The following EYS variants were observed in gnomAD, a reference collection of about 807,000 sequenced individuals.
EYS encodes the protein EGF-like photoreceptor maintenance factor, also known as protein eyes shut homolog.
Under a neutral mutation model 282.1 loss-of-function variants are expected in EYS, and 250 were observed. The observed-to-expected ratio is 0.89, with a 90% CI of 0.80 to 0.98. The LOEUF is 0.98. EYS is among the 50% of genes least tolerant of loss of function. EYS has a pLI of 0.00. For synonymous variants in EYS, 1,355 were observed against 1,282.9 expected (o/e 1.06, Z -1.20); for missense variants, 4,016 against 3,709.0 (o/e 1.08, Z -2.15).
At chr6:64,990,342 G>A (rs990486202) in intron 14 of EYS, among the ~76,000 whole-genome samples, 2 of 151,246 alleles carry the variant, frequency 1.3e-5, no homozygotes, top group African/African-American at 2.4e-5. Flanking sequence ...ATGTTTTCTA[G>A]GAAAAAAAGT....
intron 31 of EYS, among the ~76,000 whole-genome samples, chr6:64,132,505 T>G (rs1774014183): frequency 6.6e-6 from 1 of 151,962 alleles, no homozygotes; most frequent in African/African-American, 2.4e-5. Flanking sequence ...GTGCCTTTTC[T>G]TCTTTGAAAA....
At chr6:65,592,597 C>T (rs977274314) in intron 2 of EYS, among the ~76,000 whole-genome samples, 2 of 151,884 alleles carry the variant, frequency 1.3e-5, no homozygotes, top group African/African-American at 2.4e-5. Context: ...GGGGTAAACG[C>T]CACTATTCTC....
intron 1 of EYS, among the ~76,000 whole-genome samples, chr6:65,695,241 G>A (rs1769403328): frequency 6.6e-6 from 1 of 151,776 alleles, no homozygotes; most frequent in Non-Finnish European, 1.5e-5. Flanking sequence ...CAACCTCTGG[G>A]AAAAGTTAAA....
chr6:65,335,648 T>C (rs188055511), intron 10 of EYS, among the ~76,000 whole-genome samples: 12 of 151,792 alleles, frequency 7.9e-5, no homozygotes, highest in Admixed American at 6.6e-4. Flanking sequence ...TACATACATG[T>C]TTACTCATTG....
intron 2 of EYS, among the ~76,000 whole-genome samples, chr6:65,514,764 C>G (rs190886113): frequency 1.4e-4 from 22 of 152,256 alleles, no homozygotes; most frequent in African/African-American, 3.1e-4. Flanking sequence ...TGGATCCCTT[C>G]CTTACACCTT....
chr6:64,513,866 T>C (rs895870444), intron 26 of EYS, among the ~76,000 whole-genome samples: 3 of 151,844 alleles, frequency 2.0e-5, no homozygotes. Context: ...AGAAAGACTA[T>C]AGATTTCATT....
At chr6:64,741,421 C>T (rs759840508) in intron 22 of EYS, among the ~76,000 whole-genome samples, 3 of 152,006 alleles carry the variant, frequency 2.0e-5, no homozygotes, top group Non-Finnish European at 4.4e-5. Context: ...TTCTTAAGGG[C>T]CTTACGATTT....
At chr6:64,352,447 G>C (rs1771675128) in intron 29 of EYS, among the ~76,000 whole-genome samples, 1 of 151,464 alleles carries the variant, frequency 6.6e-6, no homozygotes, top group African/African-American at 2.4e-5. Context: ...AGCAAATCTT[G>C]AGAAATCCTG....
intron 2 of EYS, among the ~76,000 whole-genome samples, chr6:65,554,772 C>A (rs1768734209): frequency 6.6e-6 from 1 of 152,098 alleles, no homozygotes; most frequent in Non-Finnish European, 1.5e-5. Context: ...TAAAATGGCA[C>A]AAAGGCTAAT....
At chr6:65,131,291 C>T (rs1775868239) in intron 12 of EYS, among the ~76,000 whole-genome samples, 1 of 151,842 alleles carries the variant, frequency 6.6e-6, no homozygotes, top group Non-Finnish European at 1.5e-5. Context: ...CTTATTGCCA[C>T]ATGGCACATA....
intron 5 of EYS, among the ~76,000 whole-genome samples, chr6:65,444,032 A>C (rs1768555586): frequency 6.6e-6 from 1 of 151,844 alleles, no homozygotes; most frequent in Non-Finnish European, 1.5e-5. Flanking sequence ...TCAATGGTTA[A>C]AAGTAAGGTC....
intron 15 of EYS, among the ~76,000 whole-genome samples, chr6:64,917,030 C>T (rs139660949): frequency 0.031 from 4,724 of 152,278 alleles, 130 homozygotes; most frequent in East Asian, 0.13. Context: ...GCGGGTGGAT[C>T]ACGAGGTCAG....
At chr6:64,261,773 T>C (rs904037166) in intron 30 of EYS, among the ~76,000 whole-genome samples, 4 of 140,144 alleles carry the variant, frequency 2.9e-5, no homozygotes, top group African/African-American at 1.1e-4. Context: ...ATATACCTAA[T>C]ATTAGGTTAT....
intron 16 of EYS, among the ~76,000 whole-genome samples, chr6:64,912,256 A>T (rs1038795698): frequency 1.3e-5 from 2 of 152,022 alleles, no homozygotes; most frequent in African/African-American, 4.8e-5. Context: ...AAAGCTATAA[A>T]GCTTCACTCT....
chr6:65,442,959 T>A lies in EYS; in HGVS notation c.863-37592A>T, dbSNP rs114943799. 5.7e-3 allele frequency among the ~76,000 whole-genome samples: 586 copies of A among 103,154 alleles called. 17 individuals carry two copies. The highest frequency in any genetic ancestry group is 9.6e-3 in the Admixed American group (80 of 8,332). 67.7% of individuals were successfully genotyped at this position (103,154 alleles called of 152,430 possible). Reference sequence around the variant, plus strand: ...ATATACGTATATACATGCACATACATATGTACATATATGTATATATACATA... The same window carrying A: ...ATATACGTATATACATGCACATACAAATGTACATATATGTATATATACATA... On this transcript the variant is annotated intron_variant, in intron 5 of 42. Coordinates refer to ENST00000503581, the MANE Select transcript of EYS (RefSeq NM_001142800.2).
At chr6:64,131,621 A>C (rs1056859650) in intron 31 of EYS, among the ~76,000 whole-genome samples, 6 of 152,104 alleles carry the variant, frequency 3.9e-5, no homozygotes, top group Non-Finnish European at 5.9e-5. Context: ...AAAATAGTAA[A>C]AGTGTAGTAG....
At chr6:64,583,878 T>C (rs1215357591) in intron 26 of EYS, among the ~76,000 whole-genome samples, 1 of 152,136 alleles carries the variant, frequency 6.6e-6, no homozygotes, top group African/African-American at 2.4e-5. Flanking sequence ...ATGTGATTAA[T>C]GATTTTAACA....
At chr6:64,907,305 C>T (rs1461169487) in intron 16 of EYS, among the ~76,000 whole-genome samples, 1 of 152,152 alleles carries the variant, frequency 6.6e-6, no homozygotes, top group Non-Finnish European at 1.5e-5. Flanking sequence ...CTGCCTTAGT[C>T]TCCCAAAGTG....
intron 14 of EYS, among the ~76,000 whole-genome samples, chr6:64,958,751 A>AAAG (rs1262726154): frequency 6.6e-6 from 1 of 150,708 alleles, no homozygotes; most frequent in Non-Finnish European, 1.5e-5. Context: ...AAAAAAAAAA[A>AAAG]AAAAAAAAAA....
Sources: allele counts gnomAD v4.1 joint callset (sites outside exome capture counted in the v4.1 genomes callset), GRCh38; gene constraint gnomAD v4.1.1; transcripts MANE v1.5; gene names NCBI Gene and HGNC (gene_info 2026-07-23, HGNC 2026-07-21).